SOX6: variants seen among roughly 807,000 people sequenced by gnomAD.
The protein encoded by SOX6 is SRY-box transcription factor 6.
In SOX6, 11 loss-of-function variants were observed where a neutral mutation model predicts 97.8. That is an observed-to-expected ratio of 0.11 (90% confidence interval 0.07 to 0.19). The LOEUF (loss-of-function observed/expected upper bound fraction) is 0.19, where lower values mean the gene tolerates loss of function less well. SOX6 is among the 10% of genes least tolerant of loss of function. The probability of loss-of-function intolerance (pLI) is 1.00; values close to 1 mark genes in which losing one functional copy is unlikely to be tolerated. For missense variants in SOX6, 810 were observed against 1,039.5 expected (o/e 0.78, Z 3.04); for synonymous variants, 360 against 371.4 (o/e 0.97, Z 0.35).
At chr11:16,115,750 G>C (rs1228936629) in intron 6 of SOX6, among the ~76,000 whole-genome samples, 1 of 152,186 alleles carries the variant, frequency 6.6e-6, no homozygotes, top group Admixed American at 6.5e-5. Context: ...TTCAGTGATA[G>C]AAAAGGGAGA....
chr11:16,497,037 C>A (rs1335565401), intron 4 of SOX6, among the ~76,000 whole-genome samples: 1 of 152,194 alleles, frequency 6.6e-6, no homozygotes, highest in Non-Finnish European at 1.5e-5. Flanking sequence ...GGGTCTCTGA[C>A]ACGCGAGTAG....
intron 3 of SOX6, among the ~76,000 whole-genome samples, chr11:16,309,369 C>G (rs1037674434): frequency 2.0e-5 from 3 of 152,108 alleles, no homozygotes; most frequent in Admixed American, 6.6e-5. Flanking sequence ...AAAGTTCACA[C>G]AGCAAAACTG....
intron 4 of SOX6, among the ~76,000 whole-genome samples, chr11:16,513,194 T>C (rs1384327695): frequency 1.3e-5 from 2 of 152,206 alleles, no homozygotes; most frequent in Non-Finnish European, 2.9e-5. Context: ...GTGGTGGTTT[T>C]TTCTGATCCC....
chr11:15,992,026 A>G (rs77225511), intron 13 of SOX6, among the ~76,000 whole-genome samples: 164 of 152,340 alleles, frequency 1.1e-3, no homozygotes, highest in African/African-American at 3.8e-3. Flanking sequence ...GCTGAAGGAC[A>G]AGGAATTGAT....
rs562090802 is a variant in SOX6 at position 16,669,933 on chromosome 11, C to T, written n.429+44897G>A. On this transcript the variant is annotated intron_variant and non_coding_transcript_variant, in intron 3 of 5. Coordinates refer to the SOX6 transcript ENST00000524520. ...CTCTGCCACTACAGTTGCAGTCATA[C>T]AACCTAACAACCCTCAAACTAGGAA... Among the ~76,000 whole-genome samples the T allele has an allele frequency of 3.3e-5, 5 of 152,254 alleles. No individual in the cohort carries two copies. The East Asian group carries it at 9.7e-4, about 30-fold the overall frequency.
chr11:16,282,422 A>C (rs1362255724), intron 3 of SOX6, among the ~76,000 whole-genome samples: 1 of 151,654 alleles, frequency 6.6e-6, no homozygotes, highest in East Asian at 1.9e-4. Context: ...AAATGTTTAC[A>C]AGTTTAATTA....
chr11:16,704,897 T>A (rs1348959041), intron 3 of SOX6, among the ~76,000 whole-genome samples: 1 of 152,214 alleles, frequency 6.6e-6, no homozygotes, highest in African/African-American at 2.4e-5. Context: ...AAATACACTC[T>A]TGACAACTTT....
intron 12 of SOX6, among the ~76,000 whole-genome samples, chr11:16,033,913 AAAAG>A (rs1855451180): frequency 6.6e-6 from 1 of 151,992 alleles, no homozygotes; most frequent in Non-Finnish European, 1.5e-5. Flanking sequence ...GAAAGAAAGA[AAAAG>A]AAAAGAAAGG....
At chr11:16,390,946 C>T (rs564748184) in intron 1 of SOX6, among the ~76,000 whole-genome samples, 18 of 152,216 alleles carry the variant, frequency 1.2e-4, no homozygotes, top group African/African-American at 3.9e-4. Flanking sequence ...CCAACCCAAA[C>T]GTCCATCAAT....
intron 1 of SOX6, among the ~76,000 whole-genome samples, chr11:16,404,022 T>C (rs932620539): frequency 1.3e-5 from 2 of 151,804 alleles, no homozygotes; most frequent in Admixed American, 1.3e-4. Context: ...GATTCTTAGC[T>C]GTAGAAAAGC....
chr11:16,489,472 G>A (rs1414481772), intron 4 of SOX6, among the ~76,000 whole-genome samples: 1 of 152,012 alleles, frequency 6.6e-6, no homozygotes, highest in African/African-American at 2.4e-5. Flanking sequence ...AACAGCATGA[G>A]GAAACATTTA....
intron 1 of SOX6, among the ~76,000 whole-genome samples, chr11:16,451,258 AC>A (rs1859710743): frequency 6.6e-6 from 1 of 152,064 alleles, no homozygotes; most frequent in Non-Finnish European, 1.5e-5. Flanking sequence ...TGAGGGGAGA[AC>A]TTTCTCTGAG....
Position 16,009,887 on chromosome 11 carries a change from A to G in SOX6, c.1732+5055T>C, listed in dbSNP as rs1172663575. Among the ~76,000 whole-genome samples, 6 of 152,002 alleles carry G rather than the reference A, an allele frequency of 3.9e-5. No individual in the cohort carries two copies. In the East Asian group the frequency reaches 1.2e-3, roughly 29 times the overall value. ...GAATGAGTCGTGTATCATAGAGTCA[A>G]TCTTTTCTACCAGGAATAAGGATCT... On this transcript the variant is annotated intron_variant, in intron 13 of 15. Coordinates refer to ENST00000683767, the MANE Select transcript of SOX6 (RefSeq NM_001367873.1).
chr11:16,545,107 A>T (rs1847602734), intron 4 of SOX6, among the ~76,000 whole-genome samples: 1 of 152,128 alleles, frequency 6.6e-6, no homozygotes, highest in Non-Finnish European at 1.5e-5. Context: ...AAATAAAAAA[A>T]ACACACTGGA....
intron 3 of SOX6, among the ~76,000 whole-genome samples, chr11:16,240,859 C>T (rs1239214026): frequency 1.3e-5 from 2 of 151,950 alleles, no homozygotes; most frequent in Admixed American, 6.6e-5. Context: ...GGTGACAGAG[C>T]CCTAACTACA....
chr11:15,999,248 A>G (rs1854326615), intron 13 of SOX6, among the ~76,000 whole-genome samples: 1 of 152,164 alleles, frequency 6.6e-6, no homozygotes, highest in Admixed American at 6.5e-5. Context: ...AAGGATAAGG[A>G]GCAACTCTAA....
intron 3 of SOX6, among the ~76,000 whole-genome samples, chr11:16,654,342 G>A (rs76459006): frequency 6.6e-6 from 1 of 152,106 alleles, no homozygotes; most frequent in African/African-American, 2.4e-5. Context: ...CTAATTTTGT[G>A]TGTGTGTGTT....
At chr11:16,373,233 C>A (rs770152858) in intron 1 of SOX6, among the ~76,000 whole-genome samples, 1 of 152,046 alleles carries the variant, frequency 6.6e-6, no homozygotes, top group African/African-American at 2.4e-5. Flanking sequence ...GGCAGAATGA[C>A]AACCACAAAG....
At chr11:16,321,280 C>T (rs1436421686) in intron 2 of SOX6, among the ~76,000 whole-genome samples, 1 of 139,532 alleles carries the variant, frequency 7.2e-6, no homozygotes, top group Non-Finnish European at 1.5e-5. Context: ...AAAAAAAAAA[C>T]CCTGACTCAA....
Sources: gnomAD v4.1 joint callset for allele counts (sites outside exome capture counted in the v4.1 genomes callset) on GRCh38, gnomAD v4.1.1 for gene constraint, MANE v1.5 for transcripts, NCBI Gene and HGNC (gene_info 2026-07-23, HGNC 2026-07-21) for gene names.